The following COL21A1 variants were observed in gnomAD, a reference collection of about 807,000 sequenced individuals.
COL21A1 encodes the protein collagen type XXI alpha 1 chain, also known as collagen alpha-1(XXI) chain.
COL21A1 carries 149 observed loss-of-function variants against 137.9 expected under a neutral mutation model. The observed-to-expected ratio is 1.08, with a 90% CI of 0.95 to 1.24. The LOEUF (loss-of-function observed/expected upper bound fraction) is 1.24, where lower values mean the gene tolerates loss of function less well. Among genes scored for constraint, COL21A1 ranks in the 50% most tolerant of loss-of-function variants. The pLI, the probability that COL21A1 is intolerant of heterozygous loss-of-function variation, is 0.00. For missense variants in COL21A1, 1,167 were observed against 1,158.4 expected (o/e 1.01, Z -0.11); for synonymous variants, 456 against 391.5 (o/e 1.16, Z -1.95).
chr6:56,315,803 A>G (rs1764718171), intron 1 of COL21A1, among the ~76,000 whole-genome samples: 2 of 152,166 alleles, frequency 1.3e-5, no homozygotes, highest in African/African-American at 4.8e-5. Context: ...TAAAAAGCAT[A>G]CCATAGTTAA....
chr6:56,346,347 A>T (rs1765597497), intron 1 of COL21A1, among the ~76,000 whole-genome samples: 3 of 152,058 alleles, frequency 2.0e-5, no homozygotes, highest in Admixed American at 1.3e-4. Context: ...TACAGCATGT[A>T]CTCTTTTGGG....
Position 56,114,752 on chromosome 6 carries a change from G to T in COL21A1, c.1758+9310C>A, listed in dbSNP as rs549629914. ...ACTGTAAACTAGTTCAACCATTGTG[G>T]AAGTCAGTGTGGCGATTCCTCAGGG... On this transcript the variant is annotated intron_variant, in intron 16 of 29. Transcript: ENST00000244728. Among the ~76,000 whole-genome samples, 12 of 148,906 alleles carry T rather than the reference G, an allele frequency of 8.1e-5. No individual in the cohort carries two copies. The South Asian group carries it at 2.7e-3, about 33-fold the overall frequency.
At chr6:56,373,592 A>T (rs542187636) in intron 1 of COL21A1, among the ~76,000 whole-genome samples, 17 of 152,308 alleles carry the variant, frequency 1.1e-4, no homozygotes, top group African/African-American at 4.1e-4. Flanking sequence ...ACAGAGCGAG[A>T]CTCTGTCTCA....
At chr6:56,099,781 A>C (rs1770283631) in intron 17 of COL21A1, among the ~76,000 whole-genome samples, 1 of 152,094 alleles carries the variant, frequency 6.6e-6, no homozygotes, top group African/African-American at 2.4e-5. Flanking sequence ...AATTTTTCTT[A>C]AATAACAGCA....
At chr6:56,346,881 C>T (rs909821302) in intron 1 of COL21A1, among the ~76,000 whole-genome samples, 14 of 152,102 alleles carry the variant, frequency 9.2e-5, no homozygotes, top group African/African-American at 3.4e-4. Flanking sequence ...AGTGGGTGAG[C>T]CTCTATCCTC....
chr6:56,211,702 C>T (rs536336730), intron 1 of COL21A1, among the ~76,000 whole-genome samples: 2 of 152,070 alleles, frequency 1.3e-5, no homozygotes, highest in Non-Finnish European at 2.9e-5. Flanking sequence ...CTGTGATTGT[C>T]ACCATTTTTT....
chr6:56,364,294 C>T (rs558014243), intron 1 of COL21A1, among the ~76,000 whole-genome samples: 5 of 152,102 alleles, frequency 3.3e-5, no homozygotes, highest in African/African-American at 1.2e-4. Context: ...TAGGCGGCGA[C>T]CTTTCAGAAA....
chr6:56,333,029 T>C (rs554328448), intron 1 of COL21A1, among the ~76,000 whole-genome samples: 2 of 152,246 alleles, frequency 1.3e-5, no homozygotes, highest in African/African-American at 4.8e-5. Flanking sequence ...TAACCTTTTC[T>C]CTTTTTATCC....
chr6:56,091,727 G>C (rs541635127), intron 17 of COL21A1: 1 of 152,324 alleles, frequency 6.6e-6, no homozygotes, highest in African/African-American at 2.4e-5. Context: ...TGAGCACCAG[G>C]ACAAAAATAG....
At chr6:56,164,571 T>C in intron 8 of COL21A1, 65 bp from the exon 9 acceptor site, 1 of 1,168,058 alleles carries the variant, frequency 8.6e-7, no homozygotes, top group Non-Finnish European at 1.2e-6. Flanking sequence ...TGCACACGTA[T>C]GTTTATGCAT....
intron 17 of COL21A1, among the ~76,000 whole-genome samples, chr6:56,092,303 C>T (rs191675856): frequency 5.1e-4 from 77 of 152,046 alleles, no homozygotes; most frequent in African/African-American, 1.3e-3. Flanking sequence ...GAAAAATAAG[C>T]GAAGTAATTG....
chr6:56,094,169 A>C (rs1042779940), intron 17 of COL21A1, among the ~76,000 whole-genome samples: 1 of 152,146 alleles, frequency 6.6e-6, no homozygotes, highest in African/African-American at 2.4e-5. Context: ...ATCATGCTCT[A>C]TCTTCAGCAC....
intron 1 of COL21A1, among the ~76,000 whole-genome samples, chr6:56,218,510 T>G (rs572784900): frequency 2.0e-5 from 3 of 152,232 alleles, no homozygotes; most frequent in African/African-American, 7.2e-5. Context: ...TTATTGTGTT[T>G]TTTTGCCTTG....
At position 56,316,480 on chromosome 6, in the gene COL21A1, T is replaced by TTTTTTTTTC. The variant is rs1172907436; in HGVS notation, c.-39+77490_-39+77491insGAAAAAAAA. On this transcript the variant is annotated intron_variant, in intron 1 of 28. Coordinates refer to the COL21A1 transcript ENST00000370819. Reference sequence around the variant, plus strand: ...ACCTTTTAAAATTCTAAATAGACTTTTTTTTTTTTTTTTTTTTTTGAGACA... The same window carrying TTTTTTTTTC: ...ACCTTTTAAAATTCTAAATAGACTTTTTTTTTTTCTTTTTTTTTTTTTTTTTTTGAGACA... 4.0e-5 allele frequency among the ~76,000 whole-genome samples: 5 copies of TTTTTTTTTC among 124,758 alleles called. 1 individual carries two copies. Among genetic ancestry groups the TTTTTTTTTC allele is most frequent in the African/African-American group, 1.4e-4 (5 of 34,526 alleles). The allele number at this position is 124,758 out of a possible 152,430, so 81.8% of individuals were successfully genotyped here.
At chr6:56,129,632 C>T (rs113835844) in intron 12 of COL21A1, among the ~76,000 whole-genome samples, 1,882 of 147,392 alleles carry the variant, frequency 0.013, 38 homozygotes, top group African/African-American at 0.044. Context: ...TCCTCTGTCA[C>T]GTGCGTGCGT....
intron 18 of COL21A1, among the ~76,000 whole-genome samples, chr6:56,076,209 G>T (rs1767221472): frequency 6.6e-6 from 1 of 151,386 alleles, no homozygotes; most frequent in African/African-American, 2.4e-5. Flanking sequence ...AAGGAAGCAG[G>T]AATCTTCAAT....
In COL21A1 at chr6:56,156,876, T is replaced by G; in HGVS notation, c.1434+11A>C. On this transcript the variant is annotated intron_variant, in intron 10 of 29. Coordinates refer to ENST00000244728, the MANE Select transcript of COL21A1 (RefSeq NM_030820.4). ...AGATATACCGGAGATGACTAAGCTT[T>G]CAGTACTCACAGGCTTACCATCTTG... is the stretch of plus-strand genomic sequence containing the variant. 1 of 1,607,764 alleles carries G rather than the reference T, an allele frequency of 6.2e-7. No individual in the cohort carries two copies. Among genetic ancestry groups the G allele is most frequent in the Non-Finnish European group, 8.5e-7 (1 of 1,175,972 alleles).
rs539215013 is a variant in COL21A1 at position 56,307,689 on chromosome 6, G to A, written c.-39+86282C>T. 2.3e-3 allele frequency among the ~76,000 whole-genome samples: 356 copies of A among 152,248 alleles called. 3 individuals are homozygous for A. Among genetic ancestry groups the A allele is most frequent in the African/African-American group, 8.1e-3 (336 of 41,550 alleles). On this transcript the variant is annotated intron_variant, in intron 1 of 28. Transcript: ENST00000370819. ...CTCTTCCTGGGTGAGGCAATGCCTCGCCCTGCTTGGGCTCATGCTCAGTGC... is the reference window on the plus strand; with the variant it reads ...CTCTTCCTGGGTGAGGCAATGCCTCACCCTGCTTGGGCTCATGCTCAGTGC...
chr6:56,236,429 A>G (rs1781903255), intron 1 of COL21A1, among the ~76,000 whole-genome samples: 1 of 152,008 alleles, frequency 6.6e-6, no homozygotes, highest in Non-Finnish European at 1.5e-5. Flanking sequence ...TGCTATAGGG[A>G]GGGGTTAAGG....
Sources: allele counts gnomAD v4.1 joint callset (sites outside exome capture counted in the v4.1 genomes callset), GRCh38; gene constraint gnomAD v4.1.1; transcripts MANE v1.5; gene names NCBI Gene and HGNC (gene_info 2026-07-23, HGNC 2026-07-21).